TMEM163: variants seen among roughly 807,000 people sequenced by gnomAD.
The protein encoded by TMEM163 is transmembrane protein 163.
A neutral mutation model predicts 29.3 loss-of-function variants in TMEM163; 17 were observed. The observed-to-expected ratio is 0.58, with a 90% CI of 0.40 to 0.87. The LOEUF (loss-of-function observed/expected upper bound fraction) is 0.87. TMEM163 is among the 40% of genes least tolerant of loss of function. TMEM163 has a pLI of 0.00. For missense variants in TMEM163, 303 were observed against 381.5 expected (o/e 0.79, Z 1.71); for synonymous variants, 157 against 160.6 (o/e 0.98, Z 0.17).
At chr2:134,574,920 TAGG>T (rs1369092582) in intron 2 of TMEM163, among the ~76,000 whole-genome samples, 2 of 151,928 alleles carry the variant, frequency 1.3e-5, no homozygotes, top group Admixed American at 1.3e-4. Context: ...CCATCTACAT[TAGG>T]AGAAGAGGGC....
At chr2:134,621,365 G>A (rs916657700) in intron 2 of TMEM163, among the ~76,000 whole-genome samples, 1 of 152,180 alleles carries the variant, frequency 6.6e-6, no homozygotes, top group Non-Finnish European at 1.5e-5. Context: ...ATGCTTATAC[G>A]ATGCTGATGG....
intron 2 of TMEM163, among the ~76,000 whole-genome samples, chr2:134,683,436 A>G (rs1004586463): frequency 5.9e-5 from 9 of 152,108 alleles, no homozygotes; most frequent in African/African-American, 1.2e-4. Context: ...TAAAAAAAAA[A>G]AAAAGAAAAG....
At chr2:134,461,364 T>G (rs1035620977) in intron 6 of TMEM163, among the ~76,000 whole-genome samples, 1 of 152,294 alleles carries the variant, frequency 6.6e-6, no homozygotes, top group Admixed American at 6.5e-5. Context: ...ATTTGAGAAC[T>G]GGATATGAGC....
chr2:134,540,666 C>T (rs1233640644), intron 4 of TMEM163, among the ~76,000 whole-genome samples: 1 of 152,154 alleles, frequency 6.6e-6, no homozygotes, highest in African/African-American at 2.4e-5. Flanking sequence ...GTTTAAACTC[C>T]AGTTCTATCC....
chr2:134,610,312 C>T (rs1186903567), intron 2 of TMEM163, among the ~76,000 whole-genome samples: 1 of 152,204 alleles, frequency 6.6e-6, no homozygotes, highest in Non-Finnish European at 1.5e-5. Context: ...CCCTGGAAAG[C>T]TGAAGTCCAC....
At chr2:134,717,022 GA>G in intron 1 of TMEM163, among the ~76,000 whole-genome samples, 1 of 152,346 alleles carries the variant, frequency 6.6e-6, no homozygotes, top group African/African-American at 2.4e-5. Context: ...AATGGAAAAT[GA>G]AATTCCGTTG....
chr2:134,644,726 C>T (rs1002273416), intron 2 of TMEM163, among the ~76,000 whole-genome samples: 8 of 151,980 alleles, frequency 5.3e-5, no homozygotes, highest in South Asian at 4.2e-4. Context: ...TTTTTAGACA[C>T]GACACCAAAA....
chr2:134,579,365 A>G (rs1161903731), intron 2 of TMEM163, among the ~76,000 whole-genome samples: 2 of 152,354 alleles, frequency 1.3e-5, no homozygotes, highest in Admixed American at 1.3e-4. Flanking sequence ...CTATCCATCT[A>G]CAAGTATAAC....
intron 5 of TMEM163, chr2:134,469,415 C>G (rs1350588251): frequency 6.6e-6 from 1 of 152,182 alleles, no homozygotes; most frequent in Non-Finnish European, 1.5e-5. Flanking sequence ...CTTAACCCCT[C>G]CCTCCCTCCA....
intron 2 of TMEM163, among the ~76,000 whole-genome samples, chr2:134,554,798 A>G (rs1350419109): frequency 3.9e-5 from 6 of 152,142 alleles, no homozygotes; most frequent in Non-Finnish European, 8.8e-5. Context: ...TGAGAATAAA[A>G]CCTTCCCAGA....
At chr2:134,617,217 A>T (rs1159511470) in intron 2 of TMEM163, among the ~76,000 whole-genome samples, 2 of 152,180 alleles carry the variant, frequency 1.3e-5, no homozygotes, top group Non-Finnish European at 2.9e-5. Flanking sequence ...TTTTTCTCAG[A>T]TTATGTTAGT....
intron 2 of TMEM163, among the ~76,000 whole-genome samples, chr2:134,569,123 G>A (rs1376711085): frequency 3.3e-5 from 5 of 152,186 alleles, no homozygotes; most frequent in Non-Finnish European, 7.4e-5. Context: ...AATCAAAAAT[G>A]AATCAGTGTT....
intron 4 of TMEM163, among the ~76,000 whole-genome samples, chr2:134,542,338 G>A (rs368576670): frequency 9.9e-5 from 15 of 152,264 alleles, no homozygotes; most frequent in African/African-American, 3.1e-4. Context: ...AATAAATCAC[G>A]TGGAGTCACA....
chr2:134,570,600 T>A (rs945823118), intron 2 of TMEM163, among the ~76,000 whole-genome samples: 37 of 152,268 alleles, frequency 2.4e-4, no homozygotes, highest in African/African-American at 8.2e-4. Context: ...GGAGGGGCTG[T>A]TCCTTTTTAG....
intron 2 of TMEM163, among the ~76,000 whole-genome samples, chr2:134,634,437 AT>A (rs1329570743): frequency 2.6e-5 from 4 of 152,332 alleles, no homozygotes; most frequent in African/African-American, 9.6e-5. Context: ...GCCTGGTACC[AT>A]GAACAATAAT....
rs1226061213 is a variant in TMEM163 at position 134,718,835 on chromosome 2, G to C, written c.101C>G (p.Ala34Gly). The change falls in exon 1 of 8, where the codon GCC becomes GGC. Residue 34 changes from alanine (A) to glycine (G), a missense_variant. Transcript: ENST00000281924. ...HAPPAAAPGP[A>G]PLSSPVREPP... ...CTCGCGCACCGGGGAGCTCAGCGGG[G>C]CCGGGCCGGGGGCGGCAGCCGGTGG... 1.8e-6 allele frequency: 2 copies of C among 1,126,274 alleles called. No homozygotes were observed. Among genetic ancestry groups the C allele is most frequent in the African/African-American group, 3.3e-5 (2 of 60,606 alleles). The allele number at this position is 1,126,274 out of a possible 1,614,324, so 69.8% of individuals were successfully genotyped here.
chr2:134,690,384 C>A (rs1402000551), intron 2 of TMEM163, among the ~76,000 whole-genome samples: 1 of 151,928 alleles, frequency 6.6e-6, no homozygotes, highest in Non-Finnish European at 1.5e-5. Flanking sequence ...CTCCTGGGTT[C>A]CAGCAATTCT....
intron 5 of TMEM163, among the ~76,000 whole-genome samples, chr2:134,491,591 GC>G (rs1445169909): frequency 3.6e-4 from 55 of 152,074 alleles, no homozygotes; most frequent in Admixed American, 1.3e-4. Flanking sequence ...GGTTCCACTC[GC>G]CCTGTGTCTC....
intron 2 of TMEM163, among the ~76,000 whole-genome samples, chr2:134,577,838 T>C (rs1574251995): frequency 6.6e-6 from 1 of 152,004 alleles, no homozygotes; most frequent in East Asian, 1.9e-4. Flanking sequence ...CAATCAATAA[T>C]ACAAATAAAA....
Sources: gnomAD v4.1 joint callset for allele counts (sites outside exome capture counted in the v4.1 genomes callset) on GRCh38, gnomAD v4.1.1 for gene constraint, MANE v1.5 for transcripts, NCBI Gene and HGNC (gene_info 2026-07-23, HGNC 2026-07-21) for gene names.